Variants in KIAA0825 observed in about 807,000 individuals in gnomAD.
KIAA0825 encodes the protein KIAA0825, also known as uncharacterized protein KIAA0825.
In KIAA0825, 119 loss-of-function variants were observed where a neutral mutation model predicts 147.6. That is an observed-to-expected ratio of 0.81 (90% CI 0.69 to 0.94). The LOEUF (loss-of-function observed/expected upper bound fraction) is 0.94. KIAA0825 is among the 40% of genes least tolerant of loss of function. The pLI is 0.00. For missense variants in KIAA0825, 1,381 were observed against 1,472.7 expected (o/e 0.94, Z 1.02); for synonymous variants, 470 against 518.1 (o/e 0.91, Z 1.26).
chr5:94,553,340 T>G (rs894080191), intron 2 of KIAA0825, among the ~76,000 whole-genome samples: 3 of 149,172 alleles, frequency 2.0e-5, no homozygotes, highest in Non-Finnish European at 4.4e-5. Context: ...CTCGGGAGGC[T>G]GAGGCAGGAG....
At chr5:94,330,219 T>C (rs188082332) in intron 20 of KIAA0825, among the ~76,000 whole-genome samples, 26 of 152,130 alleles carry the variant, frequency 1.7e-4, no homozygotes, top group Admixed American at 1.6e-3. Flanking sequence ...AGGTGAAAAA[T>C]ATTAACCAAC....
chr5:94,521,556 A>G (rs1413873095), intron 4 of KIAA0825, among the ~76,000 whole-genome samples: 4 of 151,740 alleles, frequency 2.6e-5, no homozygotes, highest in Non-Finnish European at 5.9e-5. Flanking sequence ...AATTAATCTG[A>G]GAATATTTCA....
At chr5:94,498,986 C>G (rs565764988) in intron 5 of KIAA0825, among the ~76,000 whole-genome samples, 19 of 152,264 alleles carry the variant, frequency 1.2e-4, no homozygotes, top group Admixed American at 1.1e-3. Flanking sequence ...GGTTTTTCTC[C>G]CCATATTGCT....
chr5:94,490,207 A>C (rs1295684560), intron 5 of KIAA0825, among the ~76,000 whole-genome samples: 1 of 152,188 alleles, frequency 6.6e-6, no homozygotes, highest in Non-Finnish European at 1.5e-5. Context: ...GTATCGCAGA[A>C]CTCAGCATAA....
At chr5:94,442,557 C>G (rs903321290) in intron 13 of KIAA0825, among the ~76,000 whole-genome samples, 1 of 152,160 alleles carries the variant, frequency 6.6e-6, no homozygotes, top group East Asian at 1.9e-4. Context: ...GAAGAACTCA[C>G]TAGATGAGCC....
intron 20 of KIAA0825, among the ~76,000 whole-genome samples, chr5:94,179,241 A>G (rs1461057298): frequency 6.6e-6 from 1 of 152,128 alleles, no homozygotes; most frequent in Non-Finnish European, 1.5e-5. Context: ...AAACACATAG[A>G]ACTGTACACA....
At chr5:94,160,160 T>A (rs1767417086) in intron 20 of KIAA0825, among the ~76,000 whole-genome samples, 1 of 152,120 alleles carries the variant, frequency 6.6e-6, no homozygotes, top group Admixed American at 6.6e-5. Context: ...TGTGAGCTTT[T>A]CTCAGGGTCA....
intron 5 of KIAA0825, among the ~76,000 whole-genome samples, chr5:94,494,545 T>TA (rs977017929): frequency 9.2e-5 from 14 of 152,140 alleles, no homozygotes; most frequent in Admixed American, 1.3e-4. Context: ...TATGCTTAGA[T>TA]ATGCTGACAC....
intron 3 of KIAA0825, among the ~76,000 whole-genome samples, chr5:94,528,275 T>G (rs1336512664): frequency 2.0e-5 from 3 of 152,190 alleles, no homozygotes; most frequent in African/African-American, 7.2e-5. Flanking sequence ...CTTTCAGGAT[T>G]CCCATCTATT....
chr5:94,290,898 T>TTTTCATATG (rs1933870213), intron 20 of KIAA0825, among the ~76,000 whole-genome samples: 1 of 152,256 alleles, frequency 6.6e-6, no homozygotes, highest in Admixed American at 6.5e-5. Context: ...GATGAGCTTT[T>TTTTCATATG]TTTCATATGT....
In KIAA0825 at chr5:94,151,796, C is replaced by T. The variant is rs939591605; in HGVS notation, c.*2211G>A. Among the ~76,000 whole-genome samples the T allele has an allele frequency of 6.6e-6, 1 of 152,098 alleles. No homozygotes were observed. Among genetic ancestry groups the T allele is most frequent in the African/African-American group, 2.4e-5 (1 of 41,410 alleles). On this transcript the variant is annotated 3_prime_UTR_variant, in exon 21 of 21. Coordinates refer to ENST00000682413, the MANE Select transcript of KIAA0825 (RefSeq NM_001145678.3). ...TAGAAGACAATCCAAATGTGAAATC[C>T]TGTAATTTTATAAGATGTTGTATCT...
intron 20 of KIAA0825, among the ~76,000 whole-genome samples, chr5:94,200,698 T>C (rs1771581799): frequency 6.6e-6 from 1 of 151,970 alleles, no homozygotes; most frequent in Non-Finnish European, 1.5e-5. Context: ...ACACATCTCA[T>C]TCTACTATTT....
At chr5:94,321,783 T>G (rs1173352026) in intron 20 of KIAA0825, among the ~76,000 whole-genome samples, 2 of 151,952 alleles carry the variant, frequency 1.3e-5, no homozygotes, top group African/African-American at 4.8e-5. Context: ...TTTTCTTCCA[T>G]TCTTTAAAGG....
chr5:94,498,844 A>G (rs143944877), intron 5 of KIAA0825, among the ~76,000 whole-genome samples: 172 of 152,178 alleles, frequency 1.1e-3, no homozygotes, highest in African/African-American at 3.9e-3. Flanking sequence ...TCACAGCCAA[A>G]CTCGAGTCCA....
intron 20 of KIAA0825, among the ~76,000 whole-genome samples, chr5:94,192,274 G>A (rs947633985): frequency 2.6e-5 from 4 of 152,150 alleles, no homozygotes; most frequent in Admixed American, 6.5e-5. Flanking sequence ...ACAAGGTGAA[G>A]GTCACTTGTA....
chr5:94,252,828 C>T (rs1776033867), intron 20 of KIAA0825, among the ~76,000 whole-genome samples: 2 of 152,110 alleles, frequency 1.3e-5, no homozygotes, highest in South Asian at 4.1e-4. Flanking sequence ...TATTGCCATC[C>T]TTCACAAGCA....
At chr5:94,471,440 A>G in intron 9 of KIAA0825, 26 bp downstream of exon 9, 1 of 1,546,122 alleles carries the variant, frequency 6.5e-7, no homozygotes, top group South Asian at 1.2e-5. Flanking sequence ...AAGCGTGGCC[A>G]TCATCTTAAT....
chr5:94,575,151 A>G (rs1470262265), intron 2 of KIAA0825, among the ~76,000 whole-genome samples: 1 of 152,204 alleles, frequency 6.6e-6, no homozygotes, highest in African/African-American at 2.4e-5. Flanking sequence ...TCTAGGAGGA[A>G]AATATTTGGA....
chr5:94,224,242 G>A (rs961043516), intron 20 of KIAA0825, among the ~76,000 whole-genome samples: 11 of 150,810 alleles, frequency 7.3e-5, no homozygotes, highest in African/African-American at 2.2e-4. Flanking sequence ...GATTACAGCC[G>A]CCCACCACCA....
Sources: gnomAD v4.1 joint callset for allele counts (sites outside exome capture counted in the v4.1 genomes callset) on GRCh38, gnomAD v4.1.1 for gene constraint, MANE v1.5 for transcripts, NCBI Gene and HGNC (gene_info 2026-07-23, HGNC 2026-07-21) for gene names.